The following ITSN2 variants were observed in gnomAD, a reference collection of about 807,000 sequenced individuals.
ITSN2 encodes the protein intersectin-2.
In ITSN2, 156 loss-of-function variants were observed where a neutral mutation model predicts 243.7. The observed-to-expected ratio is 0.64, with a 90% CI of 0.56 to 0.73. The LOEUF (loss-of-function observed/expected upper bound fraction) is 0.73. Ranked by LOEUF, ITSN2 falls within the 30% of genes least tolerant of loss-of-function variation. The pLI, the probability that ITSN2 is intolerant of heterozygous loss-of-function variation, is 0.00. For missense variants in ITSN2, 1,801 were observed against 1,996.1 expected (o/e 0.90, Z 1.86); for synonymous variants, 703 against 699.9 (o/e 1.00, Z -0.07).
rs4302182 is a variant in ITSN2 at position 24,360,073 on chromosome 2, G to A, written c.-34+231C>T. 2.2e-4 allele frequency among the ~76,000 whole-genome samples: 34 copies of A among 152,154 alleles called. No homozygotes were observed. In the East Asian group the frequency reaches 6.1e-3, roughly 27 times the overall value. On this transcript the variant is annotated intron_variant, in intron 1 of 39. Transcript: ENST00000355123. ...GCAGCCCAGCCCAGGCCCCCTCGGCGTCTGTCCCGGCCCGGCAGCAGAGGA... is the reference window on the plus strand; with the variant it reads ...GCAGCCCAGCCCAGGCCCCCTCGGCATCTGTCCCGGCCCGGCAGCAGAGGA...
In ITSN2 at chr2:24,328,078, A is replaced by C; in HGVS notation, c.5T>G (p.Met2Arg). Residue 2 changes from methionine to arginine, a missense_variant, in exon 2 of 40, where the codon ATG becomes AGG. Met to Arg is a moderately conservative substitution (Grantham distance 91). Around this residue, in one of 5 missense-constraint regions of ITSN2, gnomAD observed 77 missense variants for 90.1 expected, o/e 0.85. Transcript: ENST00000355123. M[M>R]AQFPTAMNGG... is the part of the protein sequence containing the mutation. The stretch of plus-strand genomic sequence containing the variant: ...ATTCATAGCTGTGGGAAACTGAGCC[A>C]TCATGGTCCTGAGTTTTCCTTGCTA... 1 of 1,613,958 alleles carries C rather than the reference A, an allele frequency of 6.2e-7. No individual in the cohort carries two copies. The highest frequency in any genetic ancestry group is 2.2e-5 in the East Asian group (1 of 44,878).
intron 8 of ITSN2, among the ~76,000 whole-genome samples, chr2:24,308,212 T>G (rs954402785): frequency 6.6e-6 from 1 of 152,234 alleles, no homozygotes; most frequent in Non-Finnish European, 1.5e-5. Flanking sequence ...CAATGCTCAC[T>G]TGAGGTTATA....
intron 2 of ITSN2, among the ~76,000 whole-genome samples, chr2:24,318,213 T>C (rs1046061879): frequency 2.8e-4 from 42 of 152,326 alleles, no homozygotes; most frequent in African/African-American, 9.6e-4. Flanking sequence ...AGAGTGACCC[T>C]TGGCTCACTG....
chr2:24,206,678 C>T (rs1668923343), intron 37 of ITSN2, among the ~76,000 whole-genome samples: 1 of 152,102 alleles, frequency 6.6e-6, no homozygotes, highest in Non-Finnish European at 1.5e-5. Flanking sequence ...ATCTGGAGCC[C>T]CACTGGCATA....
Position 24,275,696 on chromosome 2 carries a change from T to C in ITSN2, c.2081+17A>G. 6.3e-7 allele frequency: 1 copy of C among 1,590,432 alleles called. No homozygotes were observed. Reference sequence around the variant, plus strand: ...TCTAATGGCAATATAGCACAATAAATATATCAGCTATATTACCTTGCAGCC... The same window carrying C: ...TCTAATGGCAATATAGCACAATAAACATATCAGCTATATTACCTTGCAGCC... On this transcript the variant is annotated intron_variant, in intron 18 of 39. Coordinates refer to ENST00000355123, the MANE Select transcript of ITSN2 (RefSeq NM_006277.3).
Position 24,302,088 on chromosome 2 carries a change from A to G in ITSN2, c.872T>C (p.Val291Ala). 1.2e-6 allele frequency: 2 copies of G among 1,608,848 alleles called. No homozygotes were observed. The highest frequency in any genetic ancestry group is 1.1e-5 in the South Asian group (1 of 90,376). ...QLATIWTLAD[V>A]DGDGQLKAEE... Reference sequence around the variant, plus strand: ...TGCTTTTAGCTGTCCATCACCATCAACGTCAGCCAGAGTCCTAAAGAAAAT... The same window carrying G: ...TGCTTTTAGCTGTCCATCACCATCAGCGTCAGCCAGAGTCCTAAAGAAAAT... Residue 291 changes from valine (V) to alanine (A), a missense_variant, in exon 10 of 40, where the codon GTT (valine) becomes GCT (alanine). Transcript: ENST00000355123.
In ITSN2 at chr2:24,207,764, G is replaced by A. The variant is rs375919089; in HGVS notation, c.4678+473C>T. Reference sequence around the variant, plus strand: ...AGTCTGGTGAAGTGAGAAGGGGGAGGAGGCAGGGGCAGAAGGATGGGGAGA... The same window carrying A: ...AGTCTGGTGAAGTGAGAAGGGGGAGAAGGCAGGGGCAGAAGGATGGGGAGA... On this transcript the variant is annotated intron_variant, in intron 37 of 39. Coordinates refer to ENST00000355123, the MANE Select transcript of ITSN2 (RefSeq NM_006277.3). Among the ~76,000 whole-genome samples, 6 of 151,952 alleles carry A rather than the reference G, an allele frequency of 3.9e-5. No homozygotes were observed. In the South Asian group the frequency reaches 6.2e-4, roughly 16 times the overall value.
rs748289188 is a variant in ITSN2, at chr2:24,204,706, C to T, written c.4763-288G>A. ...CACTGCAACCTGCTGCATGCTTCCT[C>T]GGCGCAGACACACTCGGGAAGGCGG... On this transcript the variant is annotated intron_variant, in intron 38 of 39. Coordinates refer to ENST00000355123, the MANE Select transcript of ITSN2 (RefSeq NM_006277.3). The surrounding 1 kb of genome is among the most constrained non-coding windows in gnomAD (Gnocchi z 5.1). 7.3e-5 allele frequency: 41 copies of T among 564,426 alleles called. No homozygotes were observed. The highest frequency in any genetic ancestry group is 4.6e-4 in the South Asian group (30 of 65,546). 35.0% of individuals were successfully genotyped at this position (564,426 alleles called of 1,614,324 possible).
chr2:24,260,903 CAAA>C (rs34385491), intron 22 of ITSN2, among the ~76,000 whole-genome samples, 200 bp downstream of exon 22: 9 of 117,780 alleles, frequency 7.6e-5, no homozygotes, highest in Non-Finnish European at 1.0e-4. Context: ...GGCTCCGTCT[CAAA>C]AAAAAAAAAA....
intron 14 of ITSN2, among the ~76,000 whole-genome samples, chr2:24,295,382 C>T (rs1422626226): frequency 6.6e-6 from 1 of 152,224 alleles, no homozygotes; most frequent in Non-Finnish European, 1.5e-5. Flanking sequence ...TCTGGGTTCA[C>T]TGCAACCTCT....
At chr2:24,340,751 AACACAC>A in intron 1 of ITSN2, among the ~76,000 whole-genome samples, 1 of 151,290 alleles carries the variant, frequency 6.6e-6, no homozygotes, top group East Asian at 1.9e-4. Context: ...AAGGAAAAAA[AACACAC>A]ACACACACAC....
chr2:24,320,539 A>C (rs1163784925), intron 2 of ITSN2, among the ~76,000 whole-genome samples: 2 of 5,020 alleles, frequency 4.0e-4, no homozygotes, highest in African/African-American at 1.8e-3. Context: ...AAAAAAAAAA[A>C]AAAAAAAAAA....
intron 29 of ITSN2, chr2:24,241,444 G>A (rs748435055): frequency 2.6e-5 from 4 of 152,384 alleles, no homozygotes; most frequent in Admixed American, 6.6e-5. Flanking sequence ...GATCCTAAGC[G>A]AACTACCATA....
intron 17 of ITSN2, among the ~76,000 whole-genome samples, chr2:24,279,317 C>T (rs1225721873): frequency 6.6e-6 from 1 of 152,182 alleles, no homozygotes; most frequent in Non-Finnish European, 1.5e-5. Context: ...TTAACAGATT[C>T]TACTTTCCCT....
intron 13 of ITSN2, 115 bp from the exon 14 acceptor site, chr2:24,295,919 T>A (rs1207591294): frequency 8.8e-6 from 7 of 791,054 alleles, no homozygotes; most frequent in Non-Finnish European, 1.1e-5. Flanking sequence ...TTCATATTCA[T>A]CCTGAAACAA....
chr2:24,301,250 C>CA lies in ITSN2; in HGVS notation c.996-12dup. 1 of 1,561,974 alleles carries CA rather than the reference C, an allele frequency of 6.4e-7. No individual in the cohort carries two copies. Among genetic ancestry groups the CA allele is most frequent in the Non-Finnish European group, 8.8e-7 (1 of 1,135,880 alleles). ...ATTTGCTTTCCTCCTCTAAAAAAATCAAACAACAAAGTTAGCATCATGTAG... is the reference window on the plus strand; with the variant it reads ...ATTTGCTTTCCTCCTCTAAAAAAATCAAAACAACAAAGTTAGCATCATGTAG... On this transcript the variant is annotated splice_polypyrimidine_tract_variant and intron_variant, in intron 10 of 39. Transcript: ENST00000355123.
intron 13 of ITSN2, among the ~76,000 whole-genome samples, chr2:24,296,419 C>T (rs1680967987): frequency 6.6e-6 from 1 of 152,100 alleles, no homozygotes; most frequent in African/African-American, 2.4e-5. Context: ...GTCCCAAGCC[C>T]CAGTACCTCA....
At chr2:24,340,200 G>A (rs915526087) in intron 1 of ITSN2, among the ~76,000 whole-genome samples, 9 of 152,024 alleles carry the variant, frequency 5.9e-5, no homozygotes, top group Non-Finnish European at 1.3e-4. Context: ...GAATGTACTT[G>A]GCAGGGCGCG....
intron 37 of ITSN2, among the ~76,000 whole-genome samples, chr2:24,207,034 G>A (rs1668964577): frequency 6.6e-6 from 1 of 152,190 alleles, no homozygotes; most frequent in Non-Finnish European, 1.5e-5. Flanking sequence ...ACAGGAAAGA[G>A]CTAGGGATGG....
Sources: allele counts gnomAD v4.1 joint callset (sites outside exome capture counted in the v4.1 genomes callset), GRCh38; gene constraint gnomAD v4.1.1; regional missense constraint gnomAD v4.1.1; non-coding constraint Gnocchi (gnomAD v3.1); transcripts MANE v1.5; gene names NCBI Gene and HGNC (gene_info 2026-07-23, HGNC 2026-07-21).